Variants in SNW1 observed in about 807,000 individuals in gnomAD.
SNW1 encodes SNW domain-containing protein 1.
SNW1 carries 9 observed loss-of-function variants against 75.6 expected under a neutral mutation model. The observed-to-expected ratio is 0.12, with a 90% CI of 0.07 to 0.21. The LOEUF is 0.21. Among genes scored for constraint, SNW1 ranks in the 10% least tolerant of loss-of-function variants. SNW1 has a pLI of 1.00. For synonymous variants in SNW1, 200 were observed against 219.1 expected, an observed-to-expected ratio of 0.91 and a Z score of 0.77; for missense variants, 409 against 670.9, an observed-to-expected ratio of 0.61 and a Z score of 4.31.
At chr14:77,747,315 C>T (rs55818798) in intron 3 of SNW1, among the ~76,000 whole-genome samples, 54,036 of 151,888 alleles carry the variant, frequency 0.36, 10,093 homozygotes, top group African/African-American at 0.4. Flanking sequence ...AGTGCCGAGA[C>T]TGCAGCCTCT....
chr14:77,758,753 T>C lies in SNW1; in HGVS notation c.14+2361A>G, dbSNP rs541892359. 2.6e-5 allele frequency among the ~76,000 whole-genome samples: 4 copies of C among 152,332 alleles called. No individual in the cohort carries two copies. The East Asian group carries it at 7.7e-4, about 29-fold the overall frequency. Reference sequence around the variant, plus strand: ...GTATAAAATTAAAACAAACTCAGTTTCTCCTATTATTTCACTCAACAATCA... The same window carrying C: ...GTATAAAATTAAAACAAACTCAGTTCCTCCTATTATTTCACTCAACAATCA... On this transcript the variant is annotated intron_variant, in intron 1 of 13. Coordinates refer to ENST00000261531, the MANE Select transcript of SNW1 (RefSeq NM_012245.3).
chr14:77,726,350 G>C (rs1345101104), intron 10 of SNW1, among the ~76,000 whole-genome samples: 1 of 152,004 alleles, frequency 6.6e-6, no homozygotes, highest in South Asian at 2.1e-4. Context: ...AAAGAGATAG[G>C]GTCTTACTGT....
At position 77,720,767 on chromosome 14, in the gene SNW1, T is replaced by G. The variant is rs1257732357; in HGVS notation, c.1192A>C (p.Asn398His). ...ISEVIALGVP[N>H]PRTSNEVQYD... ...TGAACTTCATTGGAAGTCCGAGGAT[T>G]AGGAACACCGAGAGCAATAACTTCA... Residue 398 changes from asparagine to histidine, a missense_variant, in exon 12 of 14, where the codon AAT becomes CAT. This residue lies in a region of SNW1 where 126 missense variants were observed against 167.6 expected (regional missense o/e 0.75). Transcript: ENST00000261531. 1.2e-6 allele frequency: 2 copies of G among 1,613,958 alleles called. No individual in the cohort carries two copies. Among genetic ancestry groups the G allele is most frequent in the South Asian group, 2.2e-5 (2 of 91,058 alleles).
chr14:77,728,968 G>T (rs1164373884), intron 10 of SNW1, among the ~76,000 whole-genome samples: 1 of 152,270 alleles, frequency 6.6e-6, no homozygotes, highest in African/African-American at 2.4e-5. Context: ...TTAGTTTAGA[G>T]AACTCAAATG....
At chr14:77,739,860 C>T (rs573419174) in intron 3 of SNW1, among the ~76,000 whole-genome samples, 114 of 151,980 alleles carry the variant, frequency 7.5e-4, no homozygotes, top group Middle Eastern at 3.4e-3. Context: ...AGGGGCCGGG[C>T]GCGGTGGCTC....
At chr14:77,747,889 G>A (rs1036984907) in intron 3 of SNW1, among the ~76,000 whole-genome samples, 4 of 151,696 alleles carry the variant, frequency 2.6e-5, no homozygotes, top group Admixed American at 6.6e-5. Flanking sequence ...CCTCTGCCCA[G>A]AGGCCACCCC....
In SNW1 at chr14:77,735,928, A is replaced by G. The variant is rs904895365; in HGVS notation, c.708+9T>C. The G allele has an allele frequency of 1.9e-6, 3 of 1,611,740 alleles. No homozygotes were observed. The African/African-American group carries it at 4.0e-5, about 22-fold the overall frequency. ...AGAAAAAAATATTTTGGACTACAGC[A>G]AAGAATACCTTTCGGCTAGGAGAAT... On this transcript the variant is annotated intron_variant, in intron 7 of 13. Coordinates refer to ENST00000261531, the MANE Select transcript of SNW1 (RefSeq NM_012245.3).
chr14:77,722,065 A>G (rs1408479939), intron 11 of SNW1, among the ~76,000 whole-genome samples: 2 of 152,182 alleles, frequency 1.3e-5, no homozygotes, highest in Non-Finnish European at 2.9e-5. Flanking sequence ...TGTGTTTAAA[A>G]TATGACTTGA....
intron 1 of SNW1, among the ~76,000 whole-genome samples, chr14:77,759,880 G>A (rs2080872820): frequency 6.6e-6 from 1 of 151,864 alleles, no homozygotes; most frequent in South Asian, 2.1e-4. Context: ...CACTTTCGGA[G>A]GCCGAGACAG....
chr14:77,728,103 T>C (rs1268185722), intron 10 of SNW1, among the ~76,000 whole-genome samples: 2 of 100,410 alleles, frequency 2.0e-5, no homozygotes, highest in Non-Finnish European at 4.4e-5. Flanking sequence ...GATACGGGTG[T>C]TCATCATATA....
chr14:77,753,187 G>C (rs950092062), intron 2 of SNW1, among the ~76,000 whole-genome samples: 1 of 152,156 alleles, frequency 6.6e-6, no homozygotes, highest in African/African-American at 2.4e-5. Context: ...CAAATAAGTT[G>C]TTCTGTTTCA....
intron 8 of SNW1, chr14:77,733,986 C>A: frequency 2.3e-6 from 1 of 431,212 alleles, no homozygotes; most frequent in African/African-American, 2.0e-5. Flanking sequence ...CTCAAGATAC[C>A]ATCCAGTTAC....
At position 77,732,551 on chromosome 14, in the gene SNW1, T is replaced by G. The variant is rs765527021; in HGVS notation, c.825A>C (p.Leu275=). ...AATTTTCATTTATGTGTACTGTCTG[T>G]AGTCCTCTTCCATCAGCAGCCAGAC... ...DKRLAADGRG[L]QTVHINENFA... is the part of the protein sequence containing the mutation. The change falls in exon 9 of 14, where the codon CTA becomes CTC. Residue 275 remains leucine, a synonymous_variant. Coordinates refer to ENST00000261531, the MANE Select transcript of SNW1 (RefSeq NM_012245.3). The G allele has an allele frequency of 9.3e-6, 15 of 1,613,324 alleles. No individual in the cohort carries two copies. In the South Asian group the frequency reaches 1.5e-4, roughly 17 times the overall value.
chr14:77,737,782 G>A (rs2080684605), intron 5 of SNW1, among the ~76,000 whole-genome samples: 1 of 152,098 alleles, frequency 6.6e-6, no homozygotes, highest in African/African-American at 2.4e-5. Context: ...TCTGAGGTCA[G>A]GAGTTTGAGA....
chr14:77,727,971 GTTCT>G (rs753866306), intron 10 of SNW1, among the ~76,000 whole-genome samples: 3 of 150,510 alleles, frequency 2.0e-5, no homozygotes, highest in Admixed American at 6.7e-5. Context: ...CTGGTATTTA[GTTCT>G]TTAAATGTTT....
At position 77,720,777 on chromosome 14, in the gene SNW1, G is replaced by C; in HGVS notation, c.1182C>G (p.Leu394=). ...ENRDISEVIA[L]GVPNPRTSNE... ...TGGAAGTCCGAGGATTAGGAACACC[G>C]AGAGCAATAACTTCACTGATATCCC... The change falls in exon 12 of 14, where the codon CTC becomes CTG. Residue 394 remains leucine, a synonymous_variant. Coordinates refer to ENST00000261531, the MANE Select transcript of SNW1 (RefSeq NM_012245.3). 6.2e-7 allele frequency: 1 copy of C among 1,613,848 alleles called. No individual in the cohort carries two copies. Among genetic ancestry groups the C allele is most frequent in the Non-Finnish European group, 8.5e-7 (1 of 1,179,920 alleles).
intron 3 of SNW1, among the ~76,000 whole-genome samples, chr14:77,746,528 T>C (rs2080761600): frequency 6.6e-6 from 1 of 152,228 alleles, no homozygotes; most frequent in African/African-American, 2.4e-5. Context: ...ATGTGAAATC[T>C]AAATAGCCTT....
In SNW1 at chr14:77,731,140, A is replaced by AG. The variant is rs2139903025; in HGVS notation, c.892-12dup. The AG allele has an allele frequency of 6.2e-7, 1 of 1,613,050 alleles. No individual in the cohort carries two copies. Among genetic ancestry groups the AG allele is most frequent in the Admixed American group, 1.7e-5 (1 of 59,886 alleles). ...CACAGCTTCACGAGCCTGTTGGTAA[A>AG]GTCACATGTTAAACAGGACACTATC... is the stretch of plus-strand genomic sequence containing the variant. On this transcript the variant is annotated splice_polypyrimidine_tract_variant and intron_variant, in intron 9 of 13. Transcript: ENST00000261531.
intron 3 of SNW1, among the ~76,000 whole-genome samples, chr14:77,744,917 G>A (rs2139921049): frequency 6.6e-6 from 1 of 152,264 alleles, no homozygotes; most frequent in South Asian, 2.1e-4. Flanking sequence ...ATGTATAGGG[G>A]CCTAATTTTC....
Sources: allele counts gnomAD v4.1 joint callset (sites outside exome capture counted in the v4.1 genomes callset), GRCh38; gene constraint gnomAD v4.1.1; regional missense constraint gnomAD v4.1.1; transcripts MANE v1.5; gene names NCBI Gene and HGNC (gene_info 2026-07-23, HGNC 2026-07-21).